IMMP2L: variants seen among roughly 807,000 people sequenced by gnomAD.
IMMP2L encodes inner mitochondrial membrane peptidase subunit 2, also known as mitochondrial inner membrane protease subunit 2.
IMMP2L carries 18 observed loss-of-function variants against 19.3 expected under a neutral mutation model. The ratio of observed to expected loss-of-function variants is 0.93; its 90% confidence interval spans 0.64 to 1.38. The LOEUF (loss-of-function observed/expected upper bound fraction) is 1.38. Among genes scored for constraint, IMMP2L ranks in the 40% most tolerant of loss-of-function variants. IMMP2L has a pLI of 0.00. For synonymous variants in IMMP2L, 76 were observed against 73.0 expected (o/e 1.04, Z -0.21); for missense variants, 233 against 218.2 (o/e 1.07, Z -0.43).
intron 5 of IMMP2L, among the ~76,000 whole-genome samples, chr7:110,718,634 T>TAA (rs1795376316): frequency 2.0e-5 from 3 of 152,108 alleles, no homozygotes; most frequent in African/African-American, 7.2e-5. Context: ...TCGTTTAAGT[T>TAA]GGTGGAGATA....
At chr7:111,404,941 T>C (rs1833790287) in intron 3 of IMMP2L, among the ~76,000 whole-genome samples, 1 of 152,088 alleles carries the variant, frequency 6.6e-6, no homozygotes, top group Non-Finnish European at 1.5e-5. Context: ...TACTTCACCT[T>C]GCATCTGTTA....
At chr7:111,241,190 A>G (rs1465778646) in intron 3 of IMMP2L, among the ~76,000 whole-genome samples, 1 of 152,000 alleles carries the variant, frequency 6.6e-6, no homozygotes, top group Non-Finnish European at 1.5e-5. Flanking sequence ...TATCAATAAG[A>G]TTACATATAT....
intron 5 of IMMP2L, among the ~76,000 whole-genome samples, chr7:110,773,819 A>AGTCTATTC (rs1799193470): frequency 7.7e-6 from 1 of 129,486 alleles, no homozygotes; most frequent in Non-Finnish European, 1.6e-5. Context: ...TGCAGTTAAT[A>AGTCTATTC]GTCTATTCTT....
intron 3 of IMMP2L, among the ~76,000 whole-genome samples, chr7:111,184,312 C>G (rs1038345310): frequency 6.6e-6 from 1 of 151,804 alleles, no homozygotes; most frequent in Non-Finnish European, 1.5e-5. Flanking sequence ...TTTAAGGTGC[C>G]AATTTCCATC....
chr7:111,354,905 CA>C (rs1208692007), intron 3 of IMMP2L, among the ~76,000 whole-genome samples: 1 of 151,772 alleles, frequency 6.6e-6, no homozygotes, highest in African/African-American at 2.4e-5. Context: ...ATTCATTCGA[CA>C]AAAAGTTAAA....
intron 3 of IMMP2L, chr7:111,124,661 T>C (rs371192203): frequency 8.1e-6 from 13 of 1,613,846 alleles, no homozygotes; most frequent in East Asian, 6.7e-5. Flanking sequence ...ACAACACTTA[T>C]GGCCTGTCTT....
intron 3 of IMMP2L, among the ~76,000 whole-genome samples, chr7:111,150,718 C>A (rs2129602543): frequency 6.6e-6 from 1 of 152,318 alleles, no homozygotes; most frequent in Middle Eastern, 3.4e-3. Context: ...TACAGATATA[C>A]ATATGTATAT....
At chr7:111,224,806 C>T (rs547565043) in intron 3 of IMMP2L, among the ~76,000 whole-genome samples, 1 of 152,188 alleles carries the variant, frequency 6.6e-6, no homozygotes, top group East Asian at 1.9e-4. Context: ...TAAATCAAAG[C>T]CTTGGCACCA....
At chr7:111,018,784 CTTTTTA>C (rs1406330807) in intron 3 of IMMP2L, among the ~76,000 whole-genome samples, 1 of 120,976 alleles carries the variant, frequency 8.3e-6, no homozygotes, top group Admixed American at 9.4e-5. Flanking sequence ...AATTGTGTGT[CTTTTTA>C]TTATTATTAT....
intron 3 of IMMP2L, among the ~76,000 whole-genome samples, chr7:111,265,262 C>A (rs1232756051): frequency 6.6e-6 from 1 of 152,148 alleles, no homozygotes; most frequent in Non-Finnish European, 1.5e-5. Context: ...TTACTAAAAG[C>A]CTTTTTCTGT....
At chr7:111,470,729 TG>T (rs564904715) in intron 3 of IMMP2L, among the ~76,000 whole-genome samples, 3 of 9,154 alleles carry the variant, frequency 3.3e-4, no homozygotes, top group Admixed American at 3.3e-3. Flanking sequence ...TGTTGTGGGG[TG>T]GGGGGGAGGG....
chr7:110,668,351 T>C (rs1791601769), intron 5 of IMMP2L, among the ~76,000 whole-genome samples: 1 of 152,244 alleles, frequency 6.6e-6, no homozygotes. Flanking sequence ...TCCAGTTTTG[T>C]TCTTATCTGA....
chr7:111,006,942 T>C (rs1476141900), intron 3 of IMMP2L, among the ~76,000 whole-genome samples: 2 of 152,098 alleles, frequency 1.3e-5, no homozygotes, highest in Non-Finnish European at 2.9e-5. Flanking sequence ...CTTGAGAGCA[T>C]TTCTATCATA....
rs1358434 is a variant in IMMP2L at position 110,803,115 on chromosome 7, G to C, written c.408+83478C>G. 6.6e-6 allele frequency among the ~76,000 whole-genome samples: 1 copy of C among 151,948 alleles called. No homozygotes were observed. The highest frequency in any genetic ancestry group is 1.5e-5 in the Non-Finnish European group (1 of 67,976). On this transcript the variant is annotated intron_variant, in intron 5 of 5. Transcript: ENST00000405709. The surrounding 1 kb of genome is among the most constrained non-coding windows in gnomAD (Gnocchi z 4.2). ...ATAGATGAGTTTGTGTCTTAGCCTT[G>C]AAGGATGTATAGGATTAGGATAGGT...
chr7:111,347,307 G>T (rs991218260), intron 3 of IMMP2L, among the ~76,000 whole-genome samples: 1 of 152,120 alleles, frequency 6.6e-6, no homozygotes, highest in African/African-American at 2.4e-5. Context: ...AGGGCCAGAG[G>T]AGGGAAGTGA....
intron 3 of IMMP2L, among the ~76,000 whole-genome samples, chr7:111,384,139 C>T (rs113689038): frequency 6.7e-6 from 1 of 150,010 alleles, no homozygotes; most frequent in Non-Finnish European, 1.5e-5. Context: ...GTGAGAGCCC[C>T]CATCTCTAAA....
intron 3 of IMMP2L, among the ~76,000 whole-genome samples, chr7:111,163,853 T>C (rs937251350): frequency 2.0e-5 from 3 of 152,032 alleles, no homozygotes; most frequent in Non-Finnish European, 2.9e-5. Context: ...AGCTTTGCTA[T>C]ATCTCAGGGG....
intron 3 of IMMP2L, among the ~76,000 whole-genome samples, chr7:111,415,916 T>A (rs917147615): frequency 6.6e-6 from 1 of 151,552 alleles, no homozygotes; most frequent in Non-Finnish European, 1.5e-5. Context: ...AGAAAAAAAA[T>A]TTTGAAACCT....
At chr7:111,044,721 A>G (rs1023763734) in intron 3 of IMMP2L, among the ~76,000 whole-genome samples, 10 of 152,224 alleles carry the variant, frequency 6.6e-5, no homozygotes, top group Non-Finnish European at 1.5e-4. Flanking sequence ...AAATGGCATG[A>G]CCAATGGAAA....
Sources: gnomAD v4.1 joint callset for allele counts (sites outside exome capture counted in the v4.1 genomes callset) on GRCh38, gnomAD v4.1.1 for gene constraint, Gnocchi (gnomAD v3.1) non-coding constraint, MANE v1.5 for transcripts, NCBI Gene and HGNC (gene_info 2026-07-23, HGNC 2026-07-21) for gene names.